The following DOCK8 variants were observed in gnomAD, a reference collection of about 807,000 sequenced individuals.
The protein encoded by DOCK8 is dedicator of cytokinesis protein 8.
A neutral mutation model predicts 245.6 loss-of-function variants in DOCK8; 141 were observed. The observed-to-expected ratio is 0.57, with a 90% CI of 0.50 to 0.66. The LOEUF (loss-of-function observed/expected upper bound fraction) is 0.66. Among genes scored for constraint, DOCK8 ranks in the 30% least tolerant of loss-of-function variants. The pLI is 0.00. For synonymous variants in DOCK8, 1,168 were observed against 970.2 expected, an observed-to-expected ratio of 1.20 and a Z score of -3.79; for missense variants, 2,965 against 2,603.4, an observed-to-expected ratio of 1.14 and a Z score of -3.02.
chr9:390,615 A>C, intron 24 of DOCK8, 49 bp downstream of exon 24: 1 of 1,561,382 alleles, frequency 6.4e-7, no homozygotes, highest in Non-Finnish European at 8.8e-7. Flanking sequence ...CAAGAGAAGC[A>C]CACAGCAGAA....
chr9:430,337 T>G (rs10758577), intron 36 of DOCK8, among the ~76,000 whole-genome samples: 151,195 of 152,258 alleles, frequency 0.99, 75,072 homozygotes, highest in East Asian at 1. Flanking sequence ...TTGCCCCATT[T>G]CACTCCAGCC....
intron 12 of DOCK8, 122 bp downstream of exon 12, chr9:336,840 C>A: frequency 8.8e-7 from 1 of 1,142,666 alleles, no homozygotes; most frequent in Non-Finnish European, 1.3e-6. Context: ...TCTCTTAGTT[C>A]ATTTTCTGCT....
chr9:403,313 A>C (rs987298984), intron 26 of DOCK8, among the ~76,000 whole-genome samples: 1 of 152,154 alleles, frequency 6.6e-6, no homozygotes, highest in African/African-American at 2.4e-5. Context: ...GACACCTGTT[A>C]ATGAGTAACC....
Position 464,493 on chromosome 9 carries a change from C to G in DOCK8, c.*274C>G, listed in dbSNP as rs2057911081. ...GTGTGTTTTTCCACAATGTACCAAA[C>G]AAGGCATAAGCAGCTTCTCCTGCTG... On this transcript the variant is annotated 3_prime_UTR_variant, in exon 48 of 48. Coordinates refer to ENST00000432829, the MANE Select transcript of DOCK8 (RefSeq NM_203447.4). The G allele has an allele frequency of 5.6e-6, 3 of 533,048 alleles. No homozygotes were observed. The highest frequency in any genetic ancestry group is 1.0e-5 in the Non-Finnish European group (3 of 294,632). 33.0% of individuals were successfully genotyped at this position (533,048 alleles called of 1,614,324 possible).
Position 370,239 on chromosome 9 carries a change from G to C in DOCK8, c.1807G>C (p.Gly603Arg), listed in dbSNP as rs2131203404. The stretch of plus-strand genomic sequence containing the variant: ...CTCTACTGGTGAACAGGTCATCTTT[G>C]GAAAATCCAGCGGGCCTGAATTTCT... ...DASNAMPVIF[G>R]KSSGPEFLQE... The change falls in exon 16 of 48, where the codon GGA becomes CGA. Residue 603 changes from glycine to arginine, a missense_variant. Physicochemically the swap from Gly to Arg is moderately radical, Grantham distance 125. Coordinates refer to ENST00000432829, the MANE Select transcript of DOCK8 (RefSeq NM_203447.4). 1.9e-6 allele frequency: 3 copies of C among 1,613,866 alleles called. No homozygotes were observed. The highest frequency in any genetic ancestry group is 1.7e-6 in the Non-Finnish European group (2 of 1,179,764).
At chr9:416,801 T>C (rs1276428252) in intron 29 of DOCK8, among the ~76,000 whole-genome samples, 1 of 152,226 alleles carries the variant, frequency 6.6e-6, no homozygotes, top group East Asian at 1.9e-4. Context: ...ACTAGAGAAC[T>C]TCTATAAAAG....
intron 39 of DOCK8, among the ~76,000 whole-genome samples, chr9:438,262 C>G (rs1483737917): frequency 6.6e-6 from 1 of 152,212 alleles, no homozygotes. Context: ...TAGTGGCTGA[C>G]TGGAGAACTA....
chr9:386,293 G>T, intron 22 of DOCK8, 38 bp from the exon 23 acceptor site: 1 of 1,565,092 alleles, frequency 6.4e-7, no homozygotes, highest in South Asian at 1.1e-5. Context: ...ACCTTTCCAT[G>T]GTTGGTTGAC....
chr9:362,050 C>G (rs1181207859), intron 14 of DOCK8, among the ~76,000 whole-genome samples: 1 of 152,168 alleles, frequency 6.6e-6, no homozygotes, highest in African/African-American at 2.4e-5. Context: ...AATACTTTGG[C>G]TCTCTTTGAG....
At position 376,325 on chromosome 9, in the gene DOCK8, A is replaced by G. The variant is rs779456556; in HGVS notation, c.2205+20A>G. 4 of 1,547,708 alleles carry G rather than the reference A, an allele frequency of 2.6e-6. No homozygotes were observed. The highest frequency in any genetic ancestry group is 3.3e-5 in the Admixed American group (2 of 59,912). Reference sequence around the variant, plus strand: ...ACCCAGGTAAGGAATGTCAAGGTTAATCATGAAGGTAAAGGTGCAGCGGAG... The same window carrying G: ...ACCCAGGTAAGGAATGTCAAGGTTAGTCATGAAGGTAAAGGTGCAGCGGAG... On this transcript the variant is annotated intron_variant, in intron 19 of 47. Coordinates refer to ENST00000432829, the MANE Select transcript of DOCK8 (RefSeq NM_203447.4).
intron 2 of DOCK8, among the ~76,000 whole-genome samples, chr9:272,333 T>C (rs1369731036): frequency 6.6e-6 from 1 of 152,172 alleles, no homozygotes; most frequent in East Asian, 1.9e-4. Context: ...GACTCACTTC[T>C]GTCACCATAA....
At position 427,117 on chromosome 9, in the gene DOCK8, T is replaced by G. The variant is rs2056532821; in HGVS notation, c.4338+136T>G. On this transcript the variant is annotated intron_variant, in intron 34 of 47. Coordinates refer to ENST00000432829, the MANE Select transcript of DOCK8 (RefSeq NM_203447.4). Reference sequence around the variant, plus strand: ...TTTTTAAAAAAATGAAGTTGAGAAGTTTACTATTTACAACAGTGTCTACCT... The same window carrying G: ...TTTTTAAAAAAATGAAGTTGAGAAGGTTACTATTTACAACAGTGTCTACCT... 1.6e-5 allele frequency: 12 copies of G among 754,718 alleles called. No individual in the cohort carries two copies. In the South Asian group the frequency reaches 1.8e-4, roughly 12 times the overall value. The allele number at this position is 754,718 out of a possible 1,614,324, so 46.8% of individuals were successfully genotyped here. A position where few individuals can be genotyped will look rare whatever the true frequency, so the allele number is the denominator to read the frequency against.
At chr9:298,621 G>C (rs1212561176) in intron 4 of DOCK8, among the ~76,000 whole-genome samples, 1 of 21,772 alleles carries the variant, frequency 4.6e-5, no homozygotes, top group Non-Finnish European at 1.7e-4. Context: ...ATCTGTAAGT[G>C]TGTGTGTGTG....
chr9:414,091 G>A (rs990716971), intron 28 of DOCK8, among the ~76,000 whole-genome samples: 4 of 149,854 alleles, frequency 2.7e-5, no homozygotes, highest in East Asian at 2.0e-4. Flanking sequence ...GCAGTGAGCC[G>A]AGATCGTGTC....
chr9:451,975 ATATTT>A (rs1396863420), intron 45 of DOCK8, 31 bp from the exon 46 acceptor site: 16 of 225,212 alleles, frequency 7.1e-5, no homozygotes, highest in African/African-American at 4.6e-4. Context: ...ATATATATAT[ATATTT>A]TTTTTTTTTT....
intron 1 of DOCK8, among the ~76,000 whole-genome samples, chr9:238,305 A>G (rs2047305840): frequency 6.6e-6 from 1 of 152,260 alleles, no homozygotes; most frequent in Non-Finnish European, 1.5e-5. Context: ...AAAAAGCGTG[A>G]AAATGCTACA....
chr9:271,842 C>T (rs2048172896), intron 2 of DOCK8, 113 bp downstream of exon 2: 2 of 726,150 alleles, frequency 2.8e-6, no homozygotes, highest in Non-Finnish European at 4.8e-6. Flanking sequence ...ATTCTCCAGT[C>T]ACCAGATCCT....
chr9:236,464 T>C (rs2047252266), intron 1 of DOCK8, among the ~76,000 whole-genome samples: 2 of 152,198 alleles, frequency 1.3e-5, no homozygotes, highest in Non-Finnish European at 2.9e-5. Context: ...GGCTAGTGCA[T>C]ATTGATAGGC....
intron 26 of DOCK8, among the ~76,000 whole-genome samples, chr9:404,548 C>T (rs191817476): frequency 2.0e-5 from 3 of 152,264 alleles, no homozygotes; most frequent in African/African-American, 7.2e-5. Flanking sequence ...CATATGAGGT[C>T]AACTCCTTTC....
Sources: allele counts gnomAD v4.1 joint callset (sites outside exome capture counted in the v4.1 genomes callset), GRCh38; gene constraint gnomAD v4.1.1; transcripts MANE v1.5; gene names NCBI Gene and HGNC (gene_info 2026-07-23, HGNC 2026-07-21).